Variants in C1orf21 observed in about 807,000 individuals in gnomAD.
The protein encoded by C1orf21 is uncharacterized protein C1orf21.
In C1orf21, 3 loss-of-function variants were observed where a neutral mutation model predicts 18.7. The ratio of observed to expected loss-of-function variants is 0.16; its 90% CI spans 0.07 to 0.42. The LOEUF (loss-of-function observed/expected upper bound fraction) is 0.42, where lower values mean the gene tolerates loss of function less well. Ranked by LOEUF, C1orf21 falls within the 10% of genes least tolerant of loss-of-function variation. The pLI is 0.99. For synonymous variants in C1orf21, 41 were observed against 46.4 expected, an observed-to-expected ratio of 0.88 and a Z score of 0.47; for missense variants, 104 against 143.6, an observed-to-expected ratio of 0.72 and a Z score of 1.41.
intron 3 of C1orf21, among the ~76,000 whole-genome samples, chr1:184,581,689 T>C (rs1336954582): frequency 6.6e-6 from 1 of 152,238 alleles, no homozygotes; most frequent in Non-Finnish European, 1.5e-5. Context: ...TGACTTTTAA[T>C]AAATTTGTTG....
intron 5 of C1orf21, among the ~76,000 whole-genome samples, chr1:184,605,590 T>C (rs1659637019): frequency 2.0e-5 from 3 of 152,042 alleles, no homozygotes; most frequent in Admixed American, 2.0e-4. Context: ...TGCCAGATAA[T>C]TGGATTGATA....
At position 184,624,988 on chromosome 1, in the gene C1orf21, G is replaced by A. The variant is rs910260830; in HGVS notation, c.*5432G>A. ...ATATCCAGTTTTCCTTTGAAATCTG[G>A]CCCCCAAGATCCTGCTTCTTTCTAA... is the stretch of plus-strand genomic sequence containing the variant. On this transcript the variant is annotated 3_prime_UTR_variant, in exon 6 of 6. Coordinates refer to ENST00000235307, the MANE Select transcript of C1orf21 (RefSeq NM_030806.4). 6.6e-6 allele frequency: 1 copy of A among 152,118 alleles called. No individual in the cohort carries two copies. Among genetic ancestry groups the A allele is most frequent in the Non-Finnish European group, 1.5e-5 (1 of 68,012 alleles). 9.4% of individuals were successfully genotyped at this position (152,118 alleles called of 1,614,324 possible).
chr1:184,621,231 G>A lies in C1orf21; in HGVS notation c.*1675G>A, dbSNP rs1415380568. ...CTGGGACGGCAAAAGGGAAGGGAAG[G>A]AAACTTAGCAGAGTGCTATTGACTA... On this transcript the variant is annotated 3_prime_UTR_variant, in exon 6 of 6. Coordinates refer to ENST00000235307, the MANE Select transcript of C1orf21 (RefSeq NM_030806.4). The A allele has an allele frequency of 6.6e-6, 1 of 152,660 alleles. No homozygotes were observed. The highest frequency in any genetic ancestry group is 1.5e-5 in the Non-Finnish European group (1 of 68,056). The allele number at this position is 152,660 out of a possible 1,614,324, so 9.5% of individuals were successfully genotyped here. A position where few individuals can be genotyped will look rare whatever the true frequency, so the allele number is the denominator to read the frequency against.
At chr1:184,428,680 A>G (rs1052638384) in intron 1 of C1orf21, among the ~76,000 whole-genome samples, 1 of 152,196 alleles carries the variant, frequency 6.6e-6, no homozygotes, top group African/African-American at 2.4e-5. Context: ...TTACTTTTGT[A>G]TCTTAGAGCT....
chr1:184,433,845 C>A (rs1448783778), intron 1 of C1orf21, among the ~76,000 whole-genome samples: 12 of 152,134 alleles, frequency 7.9e-5, no homozygotes, highest in Non-Finnish European at 7.3e-5. Context: ...ATCCTAGGAA[C>A]AATGCTTGCC....
chr1:184,490,537 C>T (rs1657802478), intron 2 of C1orf21, among the ~76,000 whole-genome samples: 1 of 152,100 alleles, frequency 6.6e-6, no homozygotes, highest in Non-Finnish European at 1.5e-5. Context: ...GAAACTTTAA[C>T]CAACTGGTGG....
chr1:184,442,316 T>C (rs1656960148), intron 1 of C1orf21, among the ~76,000 whole-genome samples: 1 of 152,200 alleles, frequency 6.6e-6, no homozygotes, highest in Admixed American at 6.5e-5. Context: ...TTAGTGCAAG[T>C]TCTGATTCTA....
chr1:184,586,307 C>T (rs1463185629), intron 3 of C1orf21, among the ~76,000 whole-genome samples: 2 of 111,720 alleles, frequency 1.8e-5, no homozygotes, highest in South Asian at 2.7e-4. Context: ...TTTTTTGAGA[C>T]GGAGTCTCGC....
chr1:184,545,260 G>A (rs1031553780), intron 3 of C1orf21, among the ~76,000 whole-genome samples: 1 of 152,168 alleles, frequency 6.6e-6, no homozygotes, highest in Non-Finnish European at 1.5e-5. Flanking sequence ...CCATCATACT[G>A]TGGAATGTGT....
chr1:184,595,344 C>T (rs925380738), intron 4 of C1orf21, among the ~76,000 whole-genome samples: 2 of 152,192 alleles, frequency 1.3e-5, no homozygotes, highest in African/African-American at 2.4e-5. Flanking sequence ...TTTTCCTCCT[C>T]ATCTCCCCCA....
At chr1:184,521,052 T>C (rs1658299560) in intron 3 of C1orf21, among the ~76,000 whole-genome samples, 1 of 152,080 alleles carries the variant, frequency 6.6e-6, no homozygotes, top group South Asian at 2.1e-4. Flanking sequence ...CGCCACTATG[T>C]GTGGCTAATT....
intron 3 of C1orf21, among the ~76,000 whole-genome samples, chr1:184,523,356 T>C (rs552400356): frequency 6.6e-5 from 10 of 152,134 alleles, no homozygotes; most frequent in Non-Finnish European, 1.5e-4. Flanking sequence ...TCTGTGGTCT[T>C]CCACCCCAAA....
At chr1:184,565,466 C>T (rs943430420) in intron 3 of C1orf21, among the ~76,000 whole-genome samples, 1 of 152,210 alleles carries the variant, frequency 6.6e-6, no homozygotes, top group African/African-American at 2.4e-5. Context: ...ACCTTCAGAG[C>T]CCTGGTTCTC....
intron 1 of C1orf21, among the ~76,000 whole-genome samples, chr1:184,390,515 A>C (rs748375525): frequency 5.3e-5 from 8 of 152,348 alleles, no homozygotes; most frequent in Admixed American, 1.3e-4. Context: ...CTACTTATAC[A>C]TCTAGTCAAT....
chr1:184,567,647 A>G (rs1659053070), intron 3 of C1orf21: 4 of 408,896 alleles, frequency 9.8e-6, no homozygotes, highest in Non-Finnish European at 2.0e-5. Context: ...GCAGCCTACA[A>G]TGGCATCACC....
chr1:184,557,436 G>A (rs576179439), intron 3 of C1orf21, among the ~76,000 whole-genome samples: 1 of 152,210 alleles, frequency 6.6e-6, no homozygotes, highest in African/African-American at 2.4e-5. Context: ...AAAGTCCATT[G>A]TATCATTCCC....
intron 1 of C1orf21, among the ~76,000 whole-genome samples, chr1:184,411,571 G>A (rs988365392): frequency 2.0e-5 from 3 of 151,812 alleles, no homozygotes; most frequent in African/African-American, 7.3e-5. Flanking sequence ...ACAGGCGCCC[G>A]CCATCACGCC....
intron 3 of C1orf21, chr1:184,568,279 G>A (rs1659061820): frequency 3.1e-6 from 1 of 319,120 alleles, no homozygotes; most frequent in South Asian, 2.7e-5. Context: ...GTGGCATTAA[G>A]TACATTCACA....
At chr1:184,619,424 G>GA in intron 5 of C1orf21, 94 bp from the exon 6 acceptor site, 1 of 1,330,824 alleles carries the variant, frequency 7.5e-7, no homozygotes, top group Non-Finnish European at 1.1e-6. Context: ...GTTGCAAGGA[G>GA]ACATATATTG....
Sources: allele counts gnomAD v4.1 joint callset (sites outside exome capture counted in the v4.1 genomes callset), GRCh38; gene constraint gnomAD v4.1.1; transcripts MANE v1.5; gene names NCBI Gene and HGNC (gene_info 2026-07-23, HGNC 2026-07-21).